Variants in GBE1 observed in about 807,000 individuals in gnomAD.
GBE1 encodes the protein 1,4-alpha-glucan-branching enzyme.
GBE1 carries 70 observed loss-of-function variants against 88.8 expected under a neutral mutation model. The observed-to-expected ratio is 0.79, with a 90% confidence interval of 0.65 to 0.96. The LOEUF (loss-of-function observed/expected upper bound fraction) is 0.96, where lower values mean the gene tolerates loss of function less well. Ranked by LOEUF, GBE1 falls within the 40% of genes least tolerant of loss-of-function variation. The pLI is 0.00. For missense variants in GBE1, 872 were observed against 871.0 expected, an observed-to-expected ratio of 1.00 and a Z score of -0.01; for synonymous variants, 284 against 300.1, an observed-to-expected ratio of 0.95 and a Z score of 0.56.
At chr3:81,624,589 A>G (rs1704377185) in intron 7 of GBE1, among the ~76,000 whole-genome samples, 1 of 152,210 alleles carries the variant, frequency 6.6e-6, no homozygotes, top group African/African-American at 2.4e-5. Context: ...CTGAAAACCA[A>G]AATATTAAAT....
chr3:81,750,672 T>TATATATACATATATAC (rs1279745897), intron 1 of GBE1, among the ~76,000 whole-genome samples: 3 of 77,754 alleles, frequency 3.9e-5, no homozygotes, highest in African/African-American at 2.7e-4. Flanking sequence ...TATATATATA[T>TATATATACATATATAC]ACGTATATAT....
intron 1 of GBE1, among the ~76,000 whole-genome samples, chr3:81,708,946 C>T (rs989365132): frequency 3.9e-5 from 6 of 152,044 alleles, no homozygotes; most frequent in Admixed American, 1.3e-4. Context: ...AGGAGCCAGG[C>T]CAGGCAGGTG....
chr3:81,494,958 C>T (rs1559623482), intron 15 of GBE1, among the ~76,000 whole-genome samples: 1 of 152,002 alleles, frequency 6.6e-6, no homozygotes, highest in Non-Finnish European at 1.5e-5. Flanking sequence ...TTTGAAAACA[C>T]AGTGTCAAAC....
intron 2 of GBE1, among the ~76,000 whole-genome samples, chr3:81,677,200 T>A (rs1392795556): frequency 1.3e-5 from 2 of 152,160 alleles, no homozygotes; most frequent in Admixed American, 6.5e-5. Flanking sequence ...CTTCCATTTT[T>A]CAGGAAGATT....
At chr3:81,649,987 T>C (rs1704822327) in intron 3 of GBE1, 66 bp from the exon 4 acceptor site, 11 of 1,287,538 alleles carry the variant, frequency 8.5e-6, no homozygotes, top group Admixed American at 3.8e-5. Context: ...CATAATGGTT[T>C]AGGAGCACTG....
chr3:81,639,650 T>C (rs1704643008), intron 7 of GBE1, among the ~76,000 whole-genome samples: 1 of 152,176 alleles, frequency 6.6e-6, no homozygotes, highest in African/African-American at 2.4e-5. Flanking sequence ...TCAACAGAAA[T>C]GGCACTCTGC....
rs149328460 is a variant in GBE1, at chr3:81,549,319, C to T, written c.1619-12224G>A. On this transcript the variant is annotated intron_variant, in intron 12 of 15. Coordinates refer to ENST00000429644, the MANE Select transcript of GBE1 (RefSeq NM_000158.4). ...CTGGGATTACAGGAGTGAGCCACCACCCCCGGCTGGGTATTCTTAATTTAT... is the reference window on the plus strand; with the variant it reads ...CTGGGATTACAGGAGTGAGCCACCATCCCCGGCTGGGTATTCTTAATTTAT... 4.2e-3 allele frequency among the ~76,000 whole-genome samples: 640 copies of T among 151,580 alleles called. 12 individuals are homozygous for T. Among genetic ancestry groups the T allele is most frequent in the Middle Eastern group, 0.027 (8 of 294 alleles).
intron 1 of GBE1, 149 bp from the exon 2 acceptor site, chr3:81,705,762 G>T: frequency 2.0e-6 from 1 of 501,418 alleles, no homozygotes; most frequent in South Asian, 4.3e-5. Flanking sequence ...TATTAGTAGA[G>T]GCTACCTGGT....
chr3:81,490,308 A>C lies in GBE1; in HGVS notation c.*99T>G. ...AGACACTTGATGGCTTGGCTAGACA[A>C]CTGTATTCTGAAAAGCATACATGTT... On this transcript the variant is annotated 3_prime_UTR_variant, in exon 16 of 16. Transcript: ENST00000429644. The C allele has an allele frequency of 4.0e-6, 4 of 1,011,358 alleles. No homozygotes were observed. Among genetic ancestry groups the C allele is most frequent in the Non-Finnish European group, 6.2e-6 (4 of 640,988 alleles). 62.6% of individuals were successfully genotyped at this position (1,011,358 alleles called of 1,614,324 possible).
chr3:81,739,815 T>C (rs1199050962), intron 1 of GBE1, among the ~76,000 whole-genome samples: 2 of 152,204 alleles, frequency 1.3e-5, no homozygotes, highest in Non-Finnish European at 2.9e-5. Context: ...AGAAAGTATT[T>C]CTGCTAATTT....
At chr3:81,510,587 A>G (rs544437375) in intron 14 of GBE1, among the ~76,000 whole-genome samples, 1 of 152,156 alleles carries the variant, frequency 6.6e-6, no homozygotes, top group Non-Finnish European at 1.5e-5. Context: ...GAGGAGAAAG[A>G]TTCAAAGTAA....
intron 2 of GBE1, among the ~76,000 whole-genome samples, chr3:81,701,217 T>C (rs761656757): frequency 4.7e-4 from 72 of 152,148 alleles, no homozygotes; most frequent in Admixed American, 8.5e-4. Context: ...CTGATGAATG[T>C]CAATATATAT....
intron 1 of GBE1, among the ~76,000 whole-genome samples, chr3:81,720,015 A>G (rs1706000269): frequency 6.6e-6 from 1 of 152,160 alleles, no homozygotes; most frequent in Non-Finnish European, 1.5e-5. Flanking sequence ...ACATTAAAAT[A>G]TATCAAAGAA....
chr3:81,494,593 C>T (rs956670568), intron 15 of GBE1, among the ~76,000 whole-genome samples: 1 of 152,064 alleles, frequency 6.6e-6, no homozygotes, highest in Non-Finnish European at 1.5e-5. Flanking sequence ...ATTTATTAGC[C>T]TGTAAGCCCT....
Position 81,586,207 on chromosome 3 carries a change from C to T in GBE1, c.1237-17G>A, listed in dbSNP as rs137874519. 102 of 1,498,146 alleles carry T rather than the reference C, an allele frequency of 6.8e-5. No homozygotes were observed. The East Asian group carries it at 1.8e-3, about 27-fold the overall frequency. The allele number at this position is 1,498,146 out of a possible 1,614,324, so 92.8% of individuals were successfully genotyped here. A position where few individuals can be genotyped will look rare whatever the true frequency, so the allele number is the denominator to read the frequency against. ...TGATACATCCTACAACAAAGAACGT[C>T]GGTTCATAATGATCAAACTTTTAGT... On this transcript the variant is annotated splice_polypyrimidine_tract_variant and intron_variant, in intron 9 of 15. Transcript: ENST00000429644.
intron 12 of GBE1, among the ~76,000 whole-genome samples, chr3:81,539,373 G>A (rs981880799): frequency 1.3e-5 from 2 of 151,886 alleles, no homozygotes; most frequent in Admixed American, 6.6e-5. Context: ...TAAGACTTGT[G>A]GTAAGGAGAT....
At chr3:81,667,303 G>A (rs553613244) in intron 3 of GBE1, among the ~76,000 whole-genome samples, 1 of 152,156 alleles carries the variant, frequency 6.6e-6, no homozygotes, top group Non-Finnish European at 1.5e-5. Flanking sequence ...TTTGTATCCT[G>A]AGACTCCACT....
At chr3:81,696,932 A>C (rs1286811769) in intron 2 of GBE1, among the ~76,000 whole-genome samples, 1 of 152,160 alleles carries the variant, frequency 6.6e-6, no homozygotes, top group Non-Finnish European at 1.5e-5. Flanking sequence ...TCATCAACAC[A>C]GAAGAGGACT....
chr3:81,683,092 G>A lies in GBE1; in HGVS notation c.314-12139C>T, dbSNP rs553619685. On this transcript the variant is annotated intron_variant, in intron 2 of 15. Transcript: ENST00000429644. Reference sequence around the variant, plus strand: ...AGTGGTTGCCTAGTGCTGGGGAAACGGTAGGATGATAGCTAAAGGGTATGG... The same window carrying A: ...AGTGGTTGCCTAGTGCTGGGGAAACAGTAGGATGATAGCTAAAGGGTATGG... Among the ~76,000 whole-genome samples, 61 of 152,198 alleles carry A rather than the reference G, an allele frequency of 4.0e-4. 1 individual carries two copies. The South Asian group carries it at 8.5e-3, about 21-fold the overall frequency.
Sources: allele counts gnomAD v4.1 joint callset (sites outside exome capture counted in the v4.1 genomes callset), GRCh38; gene constraint gnomAD v4.1.1; transcripts MANE v1.5; gene names NCBI Gene and HGNC (gene_info 2026-07-23, HGNC 2026-07-21).